Variants in DGKB observed in about 807,000 individuals in gnomAD.
DGKB encodes the protein diacylglycerol kinase beta, also known as 90 kDa diacylglycerol kinase.
Under a neutral mutation model 114.3 loss-of-function variants are expected in DGKB, and 67 were observed. That is an observed-to-expected ratio of 0.59 (90% CI 0.48 to 0.72). DGKB has a LOEUF of 0.72. Ranked by LOEUF, DGKB falls within the 30% of genes least tolerant of loss-of-function variation. DGKB has a pLI of 0.00. For synonymous variants in DGKB, 398 were observed against 323.1 expected, an observed-to-expected ratio of 1.23 and a Z score of -2.49; for missense variants, 907 against 975.2, an observed-to-expected ratio of 0.93 and a Z score of 0.93.
intron 20 of DGKB, among the ~76,000 whole-genome samples, chr7:14,567,079 T>TAA (rs1026186724): frequency 3.2e-5 from 4 of 125,252 alleles, no homozygotes; most frequent in Admixed American, 1.1e-4. Flanking sequence ...TATATATATA[T>TAA]AAAAAATTAT....
chr7:14,446,980 T>C (rs1830806149), intron 21 of DGKB, among the ~76,000 whole-genome samples: 1 of 152,116 alleles, frequency 6.6e-6, no homozygotes, highest in Admixed American at 6.6e-5. Context: ...GAAGGGACTG[T>C]CCCAACTTAG....
At chr7:14,286,313 A>T (rs1299514890) in intron 23 of DGKB, among the ~76,000 whole-genome samples, 1 of 152,168 alleles carries the variant, frequency 6.6e-6, no homozygotes, top group Admixed American at 6.6e-5. Context: ...CAGAGTATTT[A>T]TAACTGAAGA....
chr7:14,463,113 A>G (rs1199485468), intron 21 of DGKB, among the ~76,000 whole-genome samples: 1 of 152,150 alleles, frequency 6.6e-6, no homozygotes, highest in African/African-American at 2.4e-5. Flanking sequence ...AAAGCTGGAA[A>G]CCATCATTCT....
chr7:14,444,905 G>A (rs1368176501), intron 21 of DGKB, among the ~76,000 whole-genome samples: 1 of 151,676 alleles, frequency 6.6e-6, no homozygotes, highest in Non-Finnish European at 1.5e-5. Context: ...AAGATTCACT[G>A]GGCCACTAAT....
upstream of DGKB, among the ~76,000 whole-genome samples, chr7:14,905,045 T>A (rs1288456660): frequency 1.3e-5 from 2 of 152,128 alleles, no homozygotes. Flanking sequence ...TATTGTTTTT[T>A]GTTTTACCTT....
At chr7:14,958,683 A>G (rs1404357456) in intron 1 of DGKB, among the ~76,000 whole-genome samples, 1 of 152,038 alleles carries the variant, frequency 6.6e-6, no homozygotes, top group African/African-American at 2.4e-5. Context: ...CTGCGGGAGT[A>G]TTATGCACAT....
At chr7:14,543,841 T>C (rs1290915750) in intron 20 of DGKB, among the ~76,000 whole-genome samples, 2 of 152,176 alleles carry the variant, frequency 1.3e-5, no homozygotes, top group Non-Finnish European at 2.9e-5. Context: ...TCCAGACACC[T>C]GCATACACCA....
chr7:14,848,866 C>T (rs1759605552), intron 1 of DGKB, among the ~76,000 whole-genome samples: 1 of 152,122 alleles, frequency 6.6e-6, no homozygotes, highest in Admixed American at 6.6e-5. Context: ...GCACTGTGGT[C>T]TGAGGCTATT....
intron 13 of DGKB, among the ~76,000 whole-genome samples, chr7:14,634,674 A>G (rs1325566695): frequency 6.6e-6 from 1 of 151,636 alleles, no homozygotes; most frequent in East Asian, 1.9e-4. Context: ...AGATAAAGAA[A>G]AATTGTCTTC....
intron 21 of DGKB, among the ~76,000 whole-genome samples, chr7:14,412,077 G>T (rs1824977337): frequency 6.6e-6 from 1 of 152,144 alleles, no homozygotes; most frequent in Non-Finnish European, 1.5e-5. Flanking sequence ...CTGTGTATGG[G>T]TCATGCATGA....
chr7:14,610,018 T>C (rs1389553265), intron 16 of DGKB, among the ~76,000 whole-genome samples: 1 of 152,058 alleles, frequency 6.6e-6, no homozygotes, highest in African/African-American at 2.4e-5. Flanking sequence ...ATCCCATTAG[T>C]GGGTGTAAAC....
chr7:14,965,038 C>G (rs1787074638), intron 1 of DGKB, among the ~76,000 whole-genome samples: 1 of 152,082 alleles, frequency 6.6e-6, no homozygotes, highest in Non-Finnish European at 1.5e-5. Context: ...ATATTTCCTT[C>G]TTCATGATTG....
intron 5 of DGKB, among the ~76,000 whole-genome samples, chr7:14,724,064 T>G (rs1404668974): frequency 6.6e-6 from 1 of 152,194 alleles, no homozygotes; most frequent in Non-Finnish European, 1.5e-5. Flanking sequence ...TTTCTCTATT[T>G]CTTAATGAAA....
intron 2 of DGKB, among the ~76,000 whole-genome samples, chr7:14,758,940 G>C (rs911336803): frequency 2.1e-5 from 3 of 142,570 alleles, no homozygotes; most frequent in Non-Finnish European, 4.6e-5. Flanking sequence ...TAGATACATA[G>C]ATAGATAGAG....
At chr7:14,161,571 AAATC>A (rs1783897182) in intron 25 of DGKB, among the ~76,000 whole-genome samples, 1 of 152,186 alleles carries the variant, frequency 6.6e-6, no homozygotes, top group Non-Finnish European at 1.5e-5. Context: ...CAGGAACAGA[AAATC>A]AAACAGCACA....
chr7:14,356,288 C>T (rs1047961993), intron 21 of DGKB, among the ~76,000 whole-genome samples: 1 of 150,890 alleles, frequency 6.6e-6, no homozygotes, highest in African/African-American at 2.4e-5. Context: ...CAGTTCTGCC[C>T]TGATCTTAGT....
intron 5 of DGKB, 75 bp downstream of exon 5, chr7:14,735,966 T>A: frequency 1.1e-6 from 1 of 882,188 alleles, no homozygotes; most frequent in Non-Finnish European, 1.6e-6. Flanking sequence ...TCATCATTCA[T>A]CTTTTATGAT....
intron 20 of DGKB, among the ~76,000 whole-genome samples, chr7:14,483,628 C>T (rs1783323993): frequency 6.6e-6 from 1 of 152,080 alleles, no homozygotes; most frequent in African/African-American, 2.4e-5. Flanking sequence ...TGAAATGTTA[C>T]CTTTGATGGT....
At chr7:14,911,765 G>C (rs1030920403) in intron 1 of DGKB, among the ~76,000 whole-genome samples, 1 of 152,162 alleles carries the variant, frequency 6.6e-6, no homozygotes, top group Non-Finnish European at 1.5e-5. Context: ...CTGCGACAAC[G>C]CTGTTTCATT....
Sources: gnomAD v4.1 joint callset for allele counts (sites outside exome capture counted in the v4.1 genomes callset) on GRCh38, gnomAD v4.1.1 for gene constraint, MANE v1.5 for transcripts, NCBI Gene and HGNC (gene_info 2026-07-23, HGNC 2026-07-21) for gene names.